MAPK8IP2: variants seen among roughly 807,000 people sequenced by gnomAD.
MAPK8IP2 encodes C-Jun-amino-terminal kinase-interacting protein 2.
In MAPK8IP2, 15 loss-of-function variants were observed where a neutral mutation model predicts 75.6. That is an observed-to-expected ratio of 0.20 (90% confidence interval 0.13 to 0.31). The LOEUF is 0.31. Ranked by LOEUF, MAPK8IP2 falls within the 10% of genes least tolerant of loss-of-function variation. The pLI is 1.00. For synonymous variants in MAPK8IP2, 632 were observed against 554.5 expected (o/e 1.14, Z -1.96); for missense variants, 1,089 against 1,211.2 (o/e 0.90, Z 1.50).
Position 50,601,772 on chromosome 22 carries a change from C to T in MAPK8IP2, c.66-17C>T. 3 of 1,607,424 alleles carry T rather than the reference C, an allele frequency of 1.9e-6. No individual in the cohort carries two copies. The highest frequency in any genetic ancestry group is 2.2e-5 in the East Asian group (1 of 44,842). ...AGTCCAGGGTTGGTGGCTCTCTGAC[C>T]CTGGTCTCCTTTCCAGGCCTCCCCA... On this transcript the variant is annotated splice_polypyrimidine_tract_variant and intron_variant, in intron 1 of 11. Transcript: ENST00000329492.
intron 10 of MAPK8IP2, among the ~76,000 whole-genome samples, chr22:50,608,116 C>T (rs770751511): frequency 1.3e-5 from 2 of 152,204 alleles, no homozygotes; most frequent in Admixed American, 6.5e-5. Flanking sequence ...GTCAGTGCAT[C>T]TTGGGGGCCT....
At position 50,610,717 on chromosome 22, in the gene MAPK8IP2, C is replaced by T. The variant is rs1368062279; in HGVS notation, c.2413C>T (p.Leu805=). The T allele has an allele frequency of 6.2e-7, 1 of 1,608,504 alleles. No homozygotes were observed. The highest frequency in any genetic ancestry group is 8.5e-7 in the Non-Finnish European group (1 of 1,178,056). Residue 805 remains leucine (L), a synonymous_variant, in exon 12 of 12, where the codon CTG becomes TTG. Coordinates refer to ENST00000329492, the MANE Select transcript of MAPK8IP2 (RefSeq NM_012324.6). This position sits in a 1 kb window ranked among gnomAD's most constrained non-coding sequence, Gnocchi z 4.3. ...ACCGTCTTTCCCCAGCCGCGCCTTC[C>T]TGGAGTACTACCAAGAGCACCTGGC... ...PVAQSVGRAF[L]EYYQEHLAYA...
rs553203369 is a variant in MAPK8IP2, at chr22:50,607,058, T to C, written c.2303+67T>C. 4 of 1,284,258 alleles carry C rather than the reference T, an allele frequency of 3.1e-6. No homozygotes were observed. The highest frequency in any genetic ancestry group is 2.4e-5 in the South Asian group (2 of 83,990). The allele number at this position is 1,284,258 out of a possible 1,614,324, so 79.6% of individuals were successfully genotyped here. ...AAACCCTGAGAGTCCAACCGCCCCC[T>C]GAGTCCCCACAGACCCTGAGGGCTG... is the stretch of plus-strand genomic sequence containing the variant. On this transcript the variant is annotated intron_variant, in intron 10 of 11. Coordinates refer to ENST00000329492, the MANE Select transcript of MAPK8IP2 (RefSeq NM_012324.6). The surrounding 1 kb of genome is among the most constrained non-coding windows in gnomAD (Gnocchi z 5.6).
Position 50,605,728 on chromosome 22 carries a change from C to T in MAPK8IP2, c.2008C>T (p.Leu670=), listed in dbSNP as rs756693313. ...TGCGGTGCCCGGCCCTGCCAAGGAC[C>T]TGCTGGGTGAGGTCCCAACCCCGAG... ...AHAVPGPAKD[L]LGSKRSPCWV... is the part of the protein sequence containing the mutation. Residue 670 remains leucine (L), a synonymous_variant, in exon 7 of 12, where the codon CTG becomes TTG. Transcript: ENST00000329492. 8 of 1,608,114 alleles carry T rather than the reference C, an allele frequency of 5.0e-6. No homozygotes were observed. Among genetic ancestry groups the T allele is most frequent in the Admixed American group, 1.7e-5 (1 of 59,716 alleles).
chr22:50,606,681 CG>C lies in MAPK8IP2; in HGVS notation c.2149del (p.Val717SerfsTer20). 6.3e-7 allele frequency: 1 copy of C among 1,597,496 alleles called. No homozygotes were observed. The highest frequency in any genetic ancestry group is 8.5e-7 in the Non-Finnish European group (1 of 1,172,338). ...AGATTGCCACTGCCCGGAAACTGACCGTCCACCTGCGCCCTCCTGCCTCCTG... is the reference window on the plus strand; with the variant it reads ...AGATTGCCACTGCCCGGAAACTGACCTCCACCTGCGCCCTCCTGCCTCCTG... ...QKIATARKLTVHLRPPASCDL... is the reference protein window; with the variant it reads ...QKIATARKLTXHLRPPASCDL... On this transcript the variant is annotated frameshift_variant, in exon 9 of 12. Coordinates refer to ENST00000329492, the MANE Select transcript of MAPK8IP2 (RefSeq NM_012324.6). LOFTEE classifies it high-confidence loss of function.
In MAPK8IP2 at chr22:50,611,318, G is replaced by T. The variant is rs1027120135; in HGVS notation, c.*539G>T. ...CCCCACCCCACATGGAGCTCAGGGG[G>T]AAGCAGGGAGGGGTTCCCAAAAGAG... On this transcript the variant is annotated 3_prime_UTR_variant, in exon 12 of 12. Transcript: ENST00000329492. This position sits in a 1 kb window ranked among gnomAD's most constrained non-coding sequence, Gnocchi z 5.5. 1 of 153,066 alleles carries T rather than the reference G, an allele frequency of 6.5e-6. No homozygotes were observed. Among genetic ancestry groups the T allele is most frequent in the Non-Finnish European group, 1.5e-5 (1 of 68,384 alleles). 9.5% of individuals were successfully genotyped at this position (153,066 alleles called of 1,614,324 possible).
intron 10 of MAPK8IP2, among the ~76,000 whole-genome samples, chr22:50,609,447 G>C (rs1247943736): frequency 6.6e-6 from 1 of 152,218 alleles, no homozygotes; most frequent in Non-Finnish European, 1.5e-5. Context: ...TTACCATCAT[G>C]ACTTGAACGC....
chr22:50,612,852 C>A lies in MAPK8IP2; in HGVS notation c.*2073C>A. ...TGAGAATTCTCCAAGCCCTGCCCTCCGGCGCCCCCGTCCCGCCCCTGCCCG... is the reference window on the plus strand; with the variant it reads ...TGAGAATTCTCCAAGCCCTGCCCTCAGGCGCCCCCGTCCCGCCCCTGCCCG... On this transcript the variant is annotated 3_prime_UTR_variant, in exon 12 of 12. Transcript: ENST00000329492. 3.6e-5 allele frequency: 1 copy of A among 28,000 alleles called. No homozygotes were observed. The highest frequency in any genetic ancestry group is 8.1e-4 in the South Asian group (1 of 1,228). The allele number at this position is 28,000 out of a possible 1,614,324, so 1.7% of individuals were successfully genotyped here.
Position 50,603,470 on chromosome 22 carries a change from C to T in MAPK8IP2, c.419C>T (p.Thr140Ile). Residue 140 changes from threonine (T) to isoleucine (I), a missense_variant, in exon 3 of 12, where the codon ACC becomes ATC. Coordinates refer to ENST00000329492, the MANE Select transcript of MAPK8IP2 (RefSeq NM_012324.6). ...GAGCCCCACAAGCACCGGCCCACCA[C>T]CCTCCGTCTGACCACACTGGGGGCC... is the stretch of plus-strand genomic sequence containing the variant. ...VEEPHKHRPT[T>I]LRLTTLGAQD... 1.9e-6 allele frequency: 3 copies of T among 1,565,150 alleles called. No individual in the cohort carries two copies. Among genetic ancestry groups the T allele is most frequent in the Non-Finnish European group, 2.6e-6 (3 of 1,152,490 alleles).
rs763037368 is a variant in MAPK8IP2 at position 50,605,854 on chromosome 22, C to T, written c.2044C>T (p.Arg682Cys). The change falls in exon 8 of 12, where the codon CGC (arginine) becomes TGC (cysteine). Residue 682 changes from arginine to cysteine, a missense_variant. By Grantham distance (180) the Arg-to-Cys change is radical (BLOSUM62 -3). Transcript: ENST00000329492. ...GSKRSPCWVE[R>C]FDVQFLGSVE... is the part of the protein sequence containing the mutation. ...TAAGCGGAGCCCCTGCTGGGTGGAG[C>T]GCTTTGACGTGCAGTTCCTGGGCTC... The T allele has an allele frequency of 1.6e-5, 25 of 1,586,820 alleles. No individual in the cohort carries two copies. Among genetic ancestry groups the T allele is most frequent in the South Asian group, 4.6e-5 (4 of 87,232 alleles).
At position 50,604,907 on chromosome 22, in the gene MAPK8IP2, C is replaced by T. The variant is rs771187020; in HGVS notation, c.1608C>T (p.Ser536=). ...GCTGTGCTGGGCTGGGCCACGACAG[C>T]GAAGAGGACAGCGGCGGGGAGGCCA... ...LRRCAGLGHD[S]EEDSGGEASE... is the part of the protein sequence containing the mutation. The change falls in exon 5 of 12, where the codon AGC becomes AGT. Residue 536 remains serine (S), a synonymous_variant. Transcript: ENST00000329492. The T allele has an allele frequency of 6.2e-7, 1 of 1,609,970 alleles. No homozygotes were observed. The highest frequency in any genetic ancestry group is 1.1e-5 in the South Asian group (1 of 90,880).
chr22:50,613,792 A>T lies in MAPK8IP2; in HGVS notation c.*3013A>T, dbSNP rs541317844. On this transcript the variant is annotated 3_prime_UTR_variant, in exon 12 of 12. Transcript: ENST00000329492. ...CCGGGCCCTGGTCTCGGGCCTTCTG[A>T]GGACTTGCTCTCCTGGTAGCGGCTG... The T allele has an allele frequency of 6.6e-6, 1 of 152,172 alleles. No homozygotes were observed. Among genetic ancestry groups the T allele is most frequent in the East Asian group, 1.9e-4 (1 of 5,156 alleles). The allele number at this position is 152,172 out of a possible 1,614,324, so 9.4% of individuals were successfully genotyped here. A position where few individuals can be genotyped will look rare whatever the true frequency, so the allele number is the denominator to read the frequency against.
Position 50,604,668 on chromosome 22 carries a change from G to A in MAPK8IP2, c.1369G>A (p.Ala457Thr), listed in dbSNP as rs993568427. ...GCTGTGGGCCGCGCCCGGCCGCGCC[G>A]CCCGCCCGGGACGAGCCTGCTCCGC... ...TPLWAAPGRAARPGRACSAAC... is the reference protein window; with the variant it reads ...TPLWAAPGRATRPGRACSAAC... The change falls in exon 5 of 12, where the codon GCC becomes ACC. Residue 457 changes from alanine to threonine, a missense_variant. Ala to Thr is a moderately conservative substitution (Grantham distance 58). Transcript: ENST00000329492. 45 of 1,520,440 alleles carry A rather than the reference G, an allele frequency of 3.0e-5. No homozygotes were observed. The highest frequency in any genetic ancestry group is 2.6e-4 in the Admixed American group (12 of 46,574). The allele number at this position is 1,520,440 out of a possible 1,614,324, so 94.2% of individuals were successfully genotyped here.
At chr22:50,609,849 G>T (rs765271865) in intron 10 of MAPK8IP2, 1 of 519,168 alleles carries the variant, frequency 1.9e-6, no homozygotes, top group Non-Finnish European at 3.8e-6. Flanking sequence ...CGCAGGAGGA[G>T]GCCTGAGTTG....
In MAPK8IP2 at chr22:50,606,784, G is replaced by T; in HGVS notation, c.2232+19G>T. The T allele has an allele frequency of 6.4e-7, 1 of 1,572,530 alleles. No homozygotes were observed. The highest frequency in any genetic ancestry group is 1.2e-5 in the South Asian group (1 of 86,692). On this transcript the variant is annotated intron_variant, in intron 9 of 11. Coordinates refer to ENST00000329492, the MANE Select transcript of MAPK8IP2 (RefSeq NM_012324.6). The stretch of plus-strand genomic sequence containing the variant: ...GCCCGAGGTGGGAGTGTGGGGGACT[G>T]GGGACCGGGGACTGGGGGATAGGGT...
Position 50,602,908 on chromosome 22 carries a change from C to T in MAPK8IP2, c.172-315C>T, listed in dbSNP as rs946264286. ...CCAGTAACTGTAAGTTGTGTTAAAA[C>T]GCTGCGAAGGGAACACAGTGCTGGT... is the stretch of plus-strand genomic sequence containing the variant. On this transcript the variant is annotated intron_variant, in intron 2 of 11. Transcript: ENST00000329492. 7.9e-5 allele frequency among the ~76,000 whole-genome samples: 12 copies of T among 152,270 alleles called. No individual in the cohort carries two copies. In the South Asian group the frequency reaches 1.7e-3, roughly 21 times the overall value.
rs764321032 is a variant in MAPK8IP2 at position 50,601,778 on chromosome 22, C to T, written c.66-11C>T. On this transcript the variant is annotated splice_polypyrimidine_tract_variant and intron_variant, in intron 1 of 11. Transcript: ENST00000329492. ...GGGTTGGTGGCTCTCTGACCCTGGT[C>T]TCCTTTCCAGGCCTCCCCAGGACAT... 2.5e-6 allele frequency: 4 copies of T among 1,610,446 alleles called. No individual in the cohort carries two copies. In the South Asian group the frequency reaches 3.3e-5, roughly 13 times the overall value.
rs1176554770 is a variant in MAPK8IP2 at position 50,604,472 on chromosome 22, C to T, written c.1173C>T (p.Ala391=). Residue 391 remains alanine (A), a synonymous_variant, in exon 5 of 12, where the codon GCC becomes GCT. Transcript: ENST00000329492. ...CCGTGTCGCCGGCCGGCGGGGCCGC[C>T]CAGGACTCCCAGGACCCCGAGGCGG... is the stretch of plus-strand genomic sequence containing the variant. ...GEPVSPAGGA[A]QDSQDPEAAA... 3 of 1,314,014 alleles carry T rather than the reference C, an allele frequency of 2.3e-6. No homozygotes were observed. The highest frequency in any genetic ancestry group is 2.9e-6 in the Non-Finnish European group (3 of 1,036,566). 81.4% of individuals were successfully genotyped at this position (1,314,014 alleles called of 1,614,324 possible).
chr22:50,604,886 T>G lies in MAPK8IP2; in HGVS notation c.1587T>G (p.Cys529Trp), dbSNP rs192926413. 5.0e-5 allele frequency: 80 copies of G among 1,608,144 alleles called. No individual in the cohort carries two copies. In the East Asian group the frequency reaches 1.7e-3, roughly 34 times the overall value. The change falls in exon 5 of 12, where the codon TGT (cysteine) becomes TGG (tryptophan). Residue 529 changes from cysteine (C) to tryptophan (W), a missense_variant. Cys to Trp is a radical substitution (Grantham distance 215, BLOSUM62 -2). Transcript: ENST00000329492. ...TGGAGCTGGTGAGCCTGCGGCGCTG[T>G]GCTGGGCTGGGCCACGACAGCGAAG... ...TQLELVSLRR[C>W]AGLGHDSEED...
Sources: gnomAD v4.1 joint callset for allele counts (sites outside exome capture counted in the v4.1 genomes callset) on GRCh38, gnomAD v4.1.1 for gene constraint, Gnocchi (gnomAD v3.1) non-coding constraint, MANE v1.5 for transcripts, NCBI Gene and HGNC (gene_info 2026-07-23, HGNC 2026-07-21) for gene names.